Variants in TPD52 observed in about 807,000 individuals in gnomAD.
TPD52 encodes tumor protein D52.
A neutral mutation model predicts 31.3 loss-of-function variants in TPD52; 17 were observed. That is an observed-to-expected ratio of 0.54 (90% CI 0.37 to 0.82). The LOEUF is 0.82. Ranked by LOEUF, TPD52 falls within the 40% of genes least tolerant of loss-of-function variation. The pLI, the probability that TPD52 is intolerant of heterozygous loss-of-function variation, is 0.00. For missense variants in TPD52, 212 were observed against 240.1 expected (o/e 0.88, Z 0.77); for synonymous variants, 83 against 89.6 (o/e 0.93, Z 0.42).
At chr8:80,127,691 T>C (rs1808710961) in intron 1 of TPD52, 1 of 152,062 alleles carries the variant, frequency 6.6e-6, no homozygotes, top group Non-Finnish European at 1.5e-5. Flanking sequence ...GTTCAAATTT[T>C]ATTATGCAAA....
At chr8:80,072,082 A>G (rs956365425) in intron 1 of TPD52, among the ~76,000 whole-genome samples, 3 of 152,166 alleles carry the variant, frequency 2.0e-5, no homozygotes, top group Admixed American at 6.5e-5. Context: ...AGACCCAGGC[A>G]GGCGGATCAA....
intron 1 of TPD52, among the ~76,000 whole-genome samples, chr8:80,159,731 A>G (rs150177558): frequency 1.3e-5 from 2 of 152,372 alleles, no homozygotes; most frequent in African/African-American, 4.8e-5. Flanking sequence ...TGGTAACCAC[A>G]GTAGTTGTAT....
At chr8:80,074,858 C>T (rs550751492) in intron 1 of TPD52, among the ~76,000 whole-genome samples, 4 of 152,152 alleles carry the variant, frequency 2.6e-5, no homozygotes, top group South Asian at 2.1e-4. Context: ...AGGGGGAAAA[C>T]GAGTTGGGTA....
At chr8:80,085,756 G>C (rs1815696526) in intron 1 of TPD52, among the ~76,000 whole-genome samples, 1 of 152,182 alleles carries the variant, frequency 6.6e-6, no homozygotes, top group South Asian at 2.1e-4. Flanking sequence ...ATCATCGCTG[G>C]ATGCTAAAGC....
intron 7 of TPD52, among the ~76,000 whole-genome samples, chr8:80,040,371 G>T (rs1237039970): frequency 2.0e-5 from 3 of 151,622 alleles, no homozygotes; most frequent in Non-Finnish European, 4.4e-5. Flanking sequence ...ATCGTTTTTG[G>T]TAGAGACAGG....
Position 80,042,620 on chromosome 8 carries a change from C to CT in TPD52, c.503dup (p.Ser169ValfsTer2). The CT allele has an allele frequency of 6.2e-7, 1 of 1,610,518 alleles. No homozygotes were observed. The highest frequency in any genetic ancestry group is 1.1e-5 in the South Asian group (1 of 90,328). On this transcript the variant is annotated frameshift_variant and splice_region_variant, in exon 7 of 8. Coordinates refer to ENST00000518937, the MANE Select transcript of TPD52 (RefSeq NM_001025253.3). LOFTEE classifies it high-confidence loss of function. The stretch of plus-strand genomic sequence containing the variant: ...AGACCCTGTTCATCTCTCTACTTGC[C>CT]TTTAAGTTTTCGACCTTTTCTTCAA...
intron 5 of TPD52, among the ~76,000 whole-genome samples, chr8:80,045,308 A>T (rs1563564563): frequency 6.6e-6 from 1 of 152,148 alleles, no homozygotes; most frequent in Non-Finnish European, 1.5e-5. Context: ...TCTTCCTCAG[A>T]CCCTTCTGCT....
intron 1 of TPD52, among the ~76,000 whole-genome samples, chr8:80,094,258 G>A (rs1249767476): frequency 6.6e-6 from 1 of 151,380 alleles, no homozygotes; most frequent in Non-Finnish European, 1.5e-5. Flanking sequence ...ATCTCTGAAA[G>A]ATCAAGTTAA....
intron 1 of TPD52, among the ~76,000 whole-genome samples, chr8:80,142,571 G>A (rs1255993997): frequency 6.6e-6 from 1 of 151,792 alleles, no homozygotes; most frequent in Non-Finnish European, 1.5e-5. Flanking sequence ...GTGTTGTGCC[G>A]CACAACTGTA....
chr8:80,103,624 T>C (rs1426034609), intron 1 of TPD52, among the ~76,000 whole-genome samples: 1 of 152,202 alleles, frequency 6.6e-6, no homozygotes, highest in Non-Finnish European at 1.5e-5. Flanking sequence ...ACAGAGCCCC[T>C]TGTGCTTACT....
At chr8:80,091,399 G>A (rs1436352793) in intron 1 of TPD52, among the ~76,000 whole-genome samples, 3 of 151,966 alleles carry the variant, frequency 2.0e-5, no homozygotes, top group Non-Finnish European at 4.4e-5. Context: ...AACCCAAGAG[G>A]CGGAGCTTGC....
At chr8:80,150,109 A>T (rs1009285144) in intron 1 of TPD52, among the ~76,000 whole-genome samples, 10 of 152,254 alleles carry the variant, frequency 6.6e-5, no homozygotes, top group African/African-American at 2.2e-4. Flanking sequence ...CAGCCTAGGG[A>T]CTTGGTGTCC....
chr8:80,116,183 C>T (rs1807850998), intron 1 of TPD52, among the ~76,000 whole-genome samples: 1 of 152,096 alleles, frequency 6.6e-6, no homozygotes, highest in African/African-American at 2.4e-5. Flanking sequence ...TGGCATTATT[C>T]ATAACATTAA....
chr8:80,164,313 A>T (rs1811568265), intron 1 of TPD52, among the ~76,000 whole-genome samples: 1 of 151,876 alleles, frequency 6.6e-6, no homozygotes, highest in African/African-American at 2.4e-5. Context: ...ACATACAGAT[A>T]AAGAGAAAAG....
At chr8:80,085,027 T>C (rs1815632706) in intron 1 of TPD52, among the ~76,000 whole-genome samples, 1 of 152,260 alleles carries the variant, frequency 6.6e-6, no homozygotes, top group Non-Finnish European at 1.5e-5. Flanking sequence ...ATGAATTTTA[T>C]ATGGAAAGGT....
intron 1 of TPD52, among the ~76,000 whole-genome samples, chr8:80,081,317 C>T (rs1815262772): frequency 6.6e-6 from 1 of 152,094 alleles, no homozygotes; most frequent in Non-Finnish European, 1.5e-5. Context: ...GCGTACCCAC[C>T]CTGCAGAAGG....
chr8:80,060,622 C>A (rs944787300), intron 2 of TPD52, among the ~76,000 whole-genome samples: 1 of 149,384 alleles, frequency 6.7e-6, no homozygotes, highest in East Asian at 1.9e-4. Context: ...TAAAACATGA[C>A]CAAGTGGAAT....
intron 1 of TPD52, among the ~76,000 whole-genome samples, chr8:80,094,684 T>C (rs1231950638): frequency 1.3e-5 from 2 of 151,102 alleles, no homozygotes; most frequent in African/African-American, 4.9e-5. Flanking sequence ...GTGAATATGA[T>C]GAATACAACT....
rs190400129 is a variant in TPD52 at position 80,086,866 on chromosome 8, C to T, written c.20-22273G>A. ...CCCAGCCTGGGCAACAAGAGTGAGACGCTGTCTCAACAAAAAAAAAAAAAA... is the reference window on the plus strand; with the variant it reads ...CCCAGCCTGGGCAACAAGAGTGAGATGCTGTCTCAACAAAAAAAAAAAAAA... On this transcript the variant is annotated intron_variant, in intron 1 of 7. Coordinates refer to ENST00000518937, the MANE Select transcript of TPD52 (RefSeq NM_001025253.3). 6.7e-3 allele frequency among the ~76,000 whole-genome samples: 671 copies of T among 99,868 alleles called. 5 individuals carry two copies. Among genetic ancestry groups the T allele is most frequent in the African/African-American group, 0.025 (587 of 23,758 alleles). 65.5% of individuals were successfully genotyped at this position (99,868 alleles called of 152,430 possible). A position where few individuals can be genotyped will look rare whatever the true frequency, so the allele number is the denominator to read the frequency against.
Sources: allele counts gnomAD v4.1 joint callset (sites outside exome capture counted in the v4.1 genomes callset), GRCh38; gene constraint gnomAD v4.1.1; transcripts MANE v1.5; gene names NCBI Gene and HGNC (gene_info 2026-07-23, HGNC 2026-07-21).